Variants in CACNA2D3 observed in about 807,000 individuals in gnomAD.
CACNA2D3 encodes calcium voltage-gated channel auxiliary subunit alpha2delta 3.
Under a neutral mutation model 160.6 loss-of-function variants are expected in CACNA2D3, and 60 were observed. The ratio of observed to expected loss-of-function variants is 0.37; its 90% CI spans 0.30 to 0.46. The LOEUF is 0.46. CACNA2D3 is among the 20% of genes least tolerant of loss of function. The pLI, the probability that CACNA2D3 is intolerant of heterozygous loss-of-function variation, is 1.00. For synonymous variants in CACNA2D3, 558 were observed against 492.9 expected (o/e 1.13, Z -1.75); for missense variants, 1,205 against 1,365.0 (o/e 0.88, Z 1.85).
At chr3:54,265,298 A>G (rs1459239874) in intron 2 of CACNA2D3, among the ~76,000 whole-genome samples, 1 of 152,174 alleles carries the variant, frequency 6.6e-6, no homozygotes, top group Non-Finnish European at 1.5e-5. Flanking sequence ...ACAGAAAACC[A>G]AACACCACAT....
intron 2 of CACNA2D3, among the ~76,000 whole-genome samples, chr3:54,244,252 G>A (rs1051605827): frequency 2.0e-5 from 3 of 152,158 alleles, no homozygotes; most frequent in Admixed American, 6.5e-5. Flanking sequence ...GTGAGGAAGC[G>A]CCCCGAATCT....
chr3:54,978,598 C>G (rs1194587170), intron 29 of CACNA2D3, among the ~76,000 whole-genome samples: 1 of 152,178 alleles, frequency 6.6e-6, no homozygotes, highest in East Asian at 1.9e-4. Context: ...TATTCCAAAA[C>G]AGTAAAACAA....
At chr3:54,134,350 C>CT (rs537495249) in intron 2 of CACNA2D3, among the ~76,000 whole-genome samples, 299 of 152,270 alleles carry the variant, frequency 2.0e-3, no homozygotes, top group African/African-American at 6.7e-3. Context: ...CTTGCTCTTT[C>CT]TGACCTGGAG....
intron 4 of CACNA2D3, among the ~76,000 whole-genome samples, chr3:54,497,356 A>G (rs887873357): frequency 8.5e-5 from 13 of 152,150 alleles, no homozygotes; most frequent in African/African-American, 2.6e-4. Flanking sequence ...TTATAGTTTA[A>G]TTGATACCTG....
At chr3:54,271,289 TCA>T (rs1317210167) in intron 2 of CACNA2D3, among the ~76,000 whole-genome samples, 1 of 152,122 alleles carries the variant, frequency 6.6e-6, no homozygotes, top group African/African-American at 2.4e-5. Context: ...TGCCTTCCGC[TCA>T]CAGACCTTGC....
At chr3:54,501,619 C>T (rs1175914760) in intron 4 of CACNA2D3, among the ~76,000 whole-genome samples, 3 of 151,592 alleles carry the variant, frequency 2.0e-5, no homozygotes, top group African/African-American at 7.3e-5. Flanking sequence ...AGAGTTTCAC[C>T]ATGTTGCCTA....
At chr3:54,618,190 C>G (rs1698897145) in intron 9 of CACNA2D3, among the ~76,000 whole-genome samples, 1 of 151,584 alleles carries the variant, frequency 6.6e-6, no homozygotes, top group Non-Finnish European at 1.5e-5. Flanking sequence ...TGACTCAATT[C>G]TTTATCTTCC....
At chr3:54,315,168 A>G (rs1488008742) in intron 2 of CACNA2D3, among the ~76,000 whole-genome samples, 1 of 152,170 alleles carries the variant, frequency 6.6e-6, no homozygotes, top group African/African-American at 2.4e-5. Context: ...GGTAGCCTGC[A>G]TGTGGCCATG....
intron 35 of CACNA2D3, among the ~76,000 whole-genome samples, chr3:55,050,270 C>G (rs929846484): frequency 6.6e-6 from 1 of 151,362 alleles, no homozygotes; most frequent in African/African-American, 2.4e-5. Context: ...TTTAGCGCTT[C>G]CTTCAGGAGC....
rs192208754 is a variant in CACNA2D3, at chr3:54,447,306, A to G, written c.382-56186A>G. On this transcript the variant is annotated intron_variant, in intron 4 of 37. Transcript: ENST00000474759. ...CCAAGAAGATTAAAATTGAGAATGT[A>G]TGAAAAGAAAAAAGAAGAAAAATCC... 5.3e-5 allele frequency among the ~76,000 whole-genome samples: 8 copies of G among 152,350 alleles called. No homozygotes were observed. The East Asian group carries it at 1.5e-3, about 29-fold the overall frequency.
chr3:54,905,614 C>T (rs564124075), intron 27 of CACNA2D3, among the ~76,000 whole-genome samples: 4 of 152,180 alleles, frequency 2.6e-5, no homozygotes, highest in South Asian at 2.1e-4. Context: ...AGTTTCCAAC[C>T]GGGGGTGATT....
chr3:54,160,288 C>T (rs559341891), intron 2 of CACNA2D3, among the ~76,000 whole-genome samples: 33 of 152,256 alleles, frequency 2.2e-4, no homozygotes, highest in Non-Finnish European at 4.3e-4. Context: ...CACCTGAGGG[C>T]AGGAGTTCGA....
chr3:54,529,768 T>C (rs1701779261), intron 5 of CACNA2D3, among the ~76,000 whole-genome samples: 1 of 152,228 alleles, frequency 6.6e-6, no homozygotes, highest in South Asian at 2.1e-4. Flanking sequence ...TTATAATTCT[T>C]ATTATTTTTG....
intron 5 of CACNA2D3, among the ~76,000 whole-genome samples, chr3:54,558,028 A>G (rs1322940893): frequency 6.6e-6 from 1 of 152,174 alleles, no homozygotes; most frequent in Non-Finnish European, 1.5e-5. Context: ...GTGTAGGTGG[A>G]TGTCCTGGGG....
chr3:54,594,610 C>A (rs2106761460), intron 9 of CACNA2D3, among the ~76,000 whole-genome samples: 1 of 152,250 alleles, frequency 6.6e-6, no homozygotes, highest in Admixed American at 6.5e-5. Context: ...AATAAACTTG[C>A]CAGTTAACCA....
chr3:54,622,103 C>T (rs1386376171), intron 9 of CACNA2D3, among the ~76,000 whole-genome samples: 2 of 152,180 alleles, frequency 1.3e-5, no homozygotes, highest in East Asian at 1.9e-4. Flanking sequence ...GCCTGCTGTT[C>T]TGAGGCACTG....
At chr3:54,350,095 T>G (rs1698526317) in intron 3 of CACNA2D3, among the ~76,000 whole-genome samples, 1 of 152,208 alleles carries the variant, frequency 6.6e-6, no homozygotes. Context: ...GATCTCCCAG[T>G]GGGCAGTGTT....
chr3:54,548,485 C>A (rs1702100991), intron 5 of CACNA2D3, among the ~76,000 whole-genome samples: 1 of 152,180 alleles, frequency 6.6e-6, no homozygotes, highest in Non-Finnish European at 1.5e-5. Context: ...CTATTTGAAG[C>A]TCAGACCTCT....
intron 25 of CACNA2D3, 48 bp from the exon 26 acceptor site, chr3:54,896,701 T>G: frequency 6.2e-7 from 1 of 1,613,498 alleles, no homozygotes; most frequent in East Asian, 2.2e-5. Flanking sequence ...AGGCCCACCT[T>G]TACTCTGCTG....
Sources: gnomAD v4.1 joint callset for allele counts (sites outside exome capture counted in the v4.1 genomes callset) on GRCh38, gnomAD v4.1.1 for gene constraint, MANE v1.5 for transcripts, NCBI Gene and HGNC (gene_info 2026-07-23, HGNC 2026-07-21) for gene names.